ARHGAP15: variants seen among roughly 807,000 people sequenced by gnomAD.
The protein encoded by ARHGAP15 is Rho GTPase activating protein 15, also known as rho GTPase-activating protein 15.
ARHGAP15 carries 51 observed loss-of-function variants against 63.7 expected under a neutral mutation model. The observed-to-expected ratio is 0.80, with a 90% confidence interval of 0.64 to 1.01. ARHGAP15 has a LOEUF of 1.01. Among genes scored for constraint, ARHGAP15 ranks in the 50% least tolerant of loss-of-function variants. The pLI, the probability that ARHGAP15 is intolerant of heterozygous loss-of-function variation, is 0.00. For missense variants in ARHGAP15, 560 were observed against 564.6 expected, an observed-to-expected ratio of 0.99 and a Z score of 0.08; for synonymous variants, 191 against 193.8, an observed-to-expected ratio of 0.99 and a Z score of 0.12.
At chr2:143,682,479 CATAT>C (rs1373390424) in intron 12 of ARHGAP15, among the ~76,000 whole-genome samples, 1 of 152,086 alleles carries the variant, frequency 6.6e-6, no homozygotes, top group Non-Finnish European at 1.5e-5. Flanking sequence ...AACATGATTA[CATAT>C]ATACATATAT....
intron 8 of ARHGAP15, among the ~76,000 whole-genome samples, chr2:143,462,836 T>TCCAGTTG (rs1030965900): frequency 2.1e-4 from 32 of 152,254 alleles, no homozygotes; most frequent in African/African-American, 7.7e-4. Context: ...AAAAGATTTT[T>TCCAGTTG]CCAGTTGCAG....
At chr2:143,659,024 T>C (rs921618810) in intron 12 of ARHGAP15, among the ~76,000 whole-genome samples, 3 of 152,208 alleles carry the variant, frequency 2.0e-5, no homozygotes, top group Non-Finnish European at 4.4e-5. Flanking sequence ...CCCAACTCAC[T>C]GACTACCTAT....
At chr2:143,583,241 C>T (rs1013917006) in intron 11 of ARHGAP15, among the ~76,000 whole-genome samples, 7 of 152,110 alleles carry the variant, frequency 4.6e-5, no homozygotes, top group African/African-American at 1.7e-4. Flanking sequence ...ATCATGCTAC[C>T]AACACTGAAC....
At chr2:143,514,530 CCT>C (rs1172482193) in intron 9 of ARHGAP15, among the ~76,000 whole-genome samples, 2 of 152,258 alleles carry the variant, frequency 1.3e-5, no homozygotes, top group African/African-American at 4.8e-5. Context: ...TCCTGCCAAC[CCT>C]CTTTGTTTTC....
At chr2:143,475,388 G>T (rs1305798035) in intron 8 of ARHGAP15, among the ~76,000 whole-genome samples, 2 of 152,222 alleles carry the variant, frequency 1.3e-5, no homozygotes, top group Middle Eastern at 3.2e-3. Flanking sequence ...GTGGGGGAGG[G>T]CATCAGTGCT....
At chr2:143,462,010 G>A (rs774020533) in intron 8 of ARHGAP15, among the ~76,000 whole-genome samples, 11 of 151,978 alleles carry the variant, frequency 7.2e-5, no homozygotes, top group Non-Finnish European at 1.3e-4. Context: ...AAAATTAGCC[G>A]GGAATGGTGG....
At chr2:143,239,569 T>C (rs1469444879) in intron 5 of ARHGAP15, among the ~76,000 whole-genome samples, 1 of 152,220 alleles carries the variant, frequency 6.6e-6, no homozygotes, top group Non-Finnish European at 1.5e-5. Flanking sequence ...AATGAACTAT[T>C]AACTTTTCCA....
At chr2:143,673,722 TTGTGTGTGTGTGTG>T (rs70982878) in intron 12 of ARHGAP15, among the ~76,000 whole-genome samples, 25 of 54,642 alleles carry the variant, frequency 4.6e-4, no homozygotes, top group Admixed American at 1.2e-3. Flanking sequence ...AGGCCTTATA[TTGTGTGTGTGTGTG>T]TGTGTGTGTG....
chr2:143,289,840 T>C (rs753811041), intron 6 of ARHGAP15, among the ~76,000 whole-genome samples: 1 of 152,180 alleles, frequency 6.6e-6, no homozygotes, highest in Non-Finnish European at 1.5e-5. Context: ...GAAGAAGAAT[T>C]ATTTCAAAGC....
intron 11 of ARHGAP15, among the ~76,000 whole-genome samples, chr2:143,581,557 G>C (rs10187318): frequency 0.3 from 45,499 of 152,000 alleles, 7,910 homozygotes; most frequent in African/African-American, 0.49. Context: ...ATAGCATTTA[G>C]TACTGTATAA....
At chr2:143,640,093 C>G (rs1316540342) in intron 12 of ARHGAP15, among the ~76,000 whole-genome samples, 1 of 152,066 alleles carries the variant, frequency 6.6e-6, no homozygotes, top group Non-Finnish European at 1.5e-5. Context: ...TAGGTACAGA[C>G]CAACGAAAAT....
chr2:143,247,010 C>A (rs752638900), intron 5 of ARHGAP15, among the ~76,000 whole-genome samples: 2 of 152,282 alleles, frequency 1.3e-5, no homozygotes, highest in South Asian at 4.1e-4. Flanking sequence ...GGTAAACACA[C>A]CTGATAGCAA....
At chr2:143,570,489 G>A (rs60011356) in intron 11 of ARHGAP15, among the ~76,000 whole-genome samples, 1 of 152,156 alleles carries the variant, frequency 6.6e-6, no homozygotes, top group Non-Finnish European at 1.5e-5. Flanking sequence ...ACTTTACCCA[G>A]AAGAATATTT....
At chr2:143,429,823 C>A (rs542082412) in intron 6 of ARHGAP15, among the ~76,000 whole-genome samples, 440 of 152,198 alleles carry the variant, frequency 2.9e-3, no homozygotes, top group Non-Finnish European at 2.9e-3. Flanking sequence ...TTGCTTAAAA[C>A]AAATATTCCC....
intron 10 of ARHGAP15, among the ~76,000 whole-genome samples, chr2:143,548,606 G>C (rs72857906): frequency 0.21 from 32,102 of 151,500 alleles, 3,690 homozygotes; most frequent in Middle Eastern, 0.28. Context: ...TGTCTTAAGA[G>C]AATAAAAATT....
chr2:143,441,964 A>G (rs960957130), intron 8 of ARHGAP15, among the ~76,000 whole-genome samples: 1 of 152,172 alleles, frequency 6.6e-6, no homozygotes, highest in Non-Finnish European at 1.5e-5. Flanking sequence ...TTAAATGTGC[A>G]TTTCCCAGTT....
chr2:143,604,987 C>T (rs1191073492), intron 11 of ARHGAP15, among the ~76,000 whole-genome samples: 1 of 152,146 alleles, frequency 6.6e-6, no homozygotes, highest in Non-Finnish European at 1.5e-5. Flanking sequence ...CAGCTCACTG[C>T]AACCTCCACC....
intron 6 of ARHGAP15, among the ~76,000 whole-genome samples, chr2:143,345,258 C>CTACAAT (rs1434122596): frequency 6.8e-6 from 1 of 147,990 alleles, no homozygotes; most frequent in Non-Finnish European, 1.5e-5. Flanking sequence ...AATCAAAGAG[C>CTACAAT]TACAATTAGC....
intron 8 of ARHGAP15, among the ~76,000 whole-genome samples, chr2:143,473,546 G>T (rs932232866): frequency 6.6e-6 from 1 of 152,116 alleles, no homozygotes; most frequent in African/African-American, 2.4e-5. Context: ...AGTAGTTCTT[G>T]TTATTAGCCA....
Sources: allele counts gnomAD v4.1 joint callset (sites outside exome capture counted in the v4.1 genomes callset), GRCh38; gene constraint gnomAD v4.1.1; transcripts MANE v1.5; gene names NCBI Gene and HGNC (gene_info 2026-07-23, HGNC 2026-07-21).